The following ALDOC variants were observed in gnomAD, a reference collection of about 807,000 sequenced individuals.
The protein encoded by ALDOC is fructose-bisphosphate aldolase C.
ALDOC carries 23 observed loss-of-function variants against 39.5 expected under a neutral mutation model. The observed-to-expected ratio is 0.58, with a 90% confidence interval of 0.42 to 0.82. ALDOC has a LOEUF of 0.82. Among genes scored for constraint, ALDOC ranks in the 40% least tolerant of loss-of-function variants. ALDOC has a pLI of 0.00. For synonymous variants in ALDOC, 160 were observed against 182.6 expected (o/e 0.88, Z 1.00); for missense variants, 356 against 479.1 (o/e 0.74, Z 2.40).
At position 28,574,080 on chromosome 17, in the gene ALDOC, G is replaced by A. The variant is rs1182442847; in HGVS notation, c.786C>T (p.Pro262=). ...ATVTALRRTV[P]PAVPGVTFLS... Reference sequence around the variant, plus strand: ...GCTGGGTAGTACCTGGGACAGCTGGGGGCACAGTGCGACGCAGGGCAGTGA... The same window carrying A: ...GCTGGGTAGTACCTGGGACAGCTGGAGGCACAGTGCGACGCAGGGCAGTGA... Residue 262 remains proline, a synonymous_variant, in exon 7 of 9, where the codon CCC becomes CCT. Coordinates refer to ENST00000226253, the MANE Select transcript of ALDOC (RefSeq NM_005165.3). The A allele has an allele frequency of 1.3e-6, 2 of 1,597,240 alleles. No individual in the cohort carries two copies. The highest frequency in any genetic ancestry group is 2.2e-5 in the East Asian group (1 of 44,786).
rs2151516921 is a variant in ALDOC at position 28,574,874 on chromosome 17, A to G, written c.380-18T>C. The G allele has an allele frequency of 1.2e-6, 2 of 1,614,134 alleles. No homozygotes were observed. The highest frequency in any genetic ancestry group is 1.7e-5 in the Admixed American group (1 of 60,028). ...ATCCAGCCCTGCAAGCACAGTGCCA[A>G]CCTCATTACTCTGCCCCTCTTTTAC... On this transcript the variant is annotated intron_variant, in intron 4 of 8. Coordinates refer to ENST00000226253, the MANE Select transcript of ALDOC (RefSeq NM_005165.3).
In ALDOC at chr17:28,573,948, G is replaced by A; in HGVS notation, c.800-14C>T. The A allele has an allele frequency of 6.2e-7, 1 of 1,614,048 alleles. No homozygotes were observed. Among genetic ancestry groups the A allele is most frequent in the Non-Finnish European group, 8.5e-7 (1 of 1,179,962 alleles). ...GGAAGGTCACTCCTAGTGTGGAGGA[G>A]AGAAGACAAACTGACTGGTCACTCC... On this transcript the variant is annotated splice_polypyrimidine_tract_variant and intron_variant, in intron 7 of 8. Transcript: ENST00000226253. The surrounding 1 kb of genome is among the most constrained non-coding windows in gnomAD (Gnocchi z 4.3).
Position 28,573,740 on chromosome 17 carries a change from C to A in ALDOC, c.994G>T (p.Ala332Ser). 1.2e-6 allele frequency: 2 copies of A among 1,614,200 alleles called. No individual in the cohort carries two copies. Among genetic ancestry groups the A allele is most frequent in the Non-Finnish European group, 1.7e-6 (2 of 1,180,040 alleles). ...CACCACCTGTAGCTCCCAACCTCAG[C>A]CCGCTTGATGAACTCCTCAGTGGCA... Reference protein sequence around the residue: ...GAATEEFIKRAEVNGLAAQGK... With the variant: ...GAATEEFIKRSEVNGLAAQGK... Residue 332 changes from alanine to serine, a missense_variant, in exon 8 of 9, where the codon GCT becomes TCT. By Grantham distance (99) the Ala-to-Ser change is moderately conservative. Coordinates refer to ENST00000226253, the MANE Select transcript of ALDOC (RefSeq NM_005165.3). The surrounding 1 kb of genome is among the most constrained non-coding windows in gnomAD (Gnocchi z 4.3).
At position 28,573,307 on chromosome 17, in the gene ALDOC, T is replaced by C. The variant is rs1330357973; in HGVS notation, c.*219A>G. The C allele has an allele frequency of 1.7e-5, 10 of 593,086 alleles. No homozygotes were observed. Among genetic ancestry groups the C allele is most frequent in the Middle Eastern group, 4.5e-4 (1 of 2,236 alleles). 36.7% of individuals were successfully genotyped at this position (593,086 alleles called of 1,614,324 possible). ...GACCCAGCCATCCTGTTCTGACTTC[T>C]AGCAATTTCTTCTGCCCTCAGTCAT... On this transcript the variant is annotated 3_prime_UTR_variant, in exon 9 of 9. Transcript: ENST00000226253. This position sits in a 1 kb window ranked among gnomAD's most constrained non-coding sequence, Gnocchi z 4.3.
intron 6 of ALDOC, 126 bp downstream of exon 6, chr17:28,574,368 G>C (rs1179865666): frequency 6.9e-7 from 1 of 1,440,114 alleles, no homozygotes; most frequent in African/African-American, 1.4e-5. Flanking sequence ...TCACAGGCCT[G>C]TGCCGGGATG....
chr17:28,574,762 T>TGTAC lies in ALDOC; in HGVS notation c.470_473dup (p.Pro159TyrfsTer33), dbSNP rs1412324279. ...TCTCCAGAATGGCAAGTGCAGAGGG[T>TGTAC]GTACGCTCACTGATTTTCAGCACAC... On this transcript the variant is annotated frameshift_variant, in exon 5 of 9. Transcript: ENST00000226253. LOFTEE classifies it high-confidence loss of function. 6.2e-7 allele frequency: 1 copy of TGTAC among 1,614,074 alleles called. No homozygotes were observed. The highest frequency in any genetic ancestry group is 1.7e-5 in the Admixed American group (1 of 60,016).
intron 4 of ALDOC, 48 bp from the exon 5 acceptor site, chr17:28,574,904 A>G: frequency 6.2e-7 from 1 of 1,614,182 alleles, no homozygotes; most frequent in African/African-American, 1.3e-5. Context: ...TTTTACCAGC[A>G]TCAACTATCT....
chr17:28,573,546 T>C lies in ALDOC; in HGVS notation c.1075A>G (p.Ile359Val), dbSNP rs572172987. 9.3e-6 allele frequency: 15 copies of C among 1,614,156 alleles called. No homozygotes were observed. Among genetic ancestry groups the C allele is most frequent in the Non-Finnish European group, 1.2e-5 (14 of 1,179,998 alleles). Residue 359 changes from isoleucine (I) to valine (V), a missense_variant, in exon 9 of 9, where the codon ATT (isoleucine) becomes GTT (valine). Coordinates refer to ENST00000226253, the MANE Select transcript of ALDOC (RefSeq NM_005165.3). The surrounding 1 kb of genome is among the most constrained non-coding windows in gnomAD (Gnocchi z 4.3). Reference sequence around the variant, plus strand: ...GATACTCAGTAGGCATGGTTGGCAATGTAGAGTGACTGTGCTGCTGCTCCA... The same window carrying C: ...GATACTCAGTAGGCATGGTTGGCAACGTAGAGTGACTGTGCTGCTGCTCCA... ...DGGAAAQSLY[I>V]ANHAY
At position 28,573,398 on chromosome 17, in the gene ALDOC, A is replaced by T; in HGVS notation, c.*128T>A. ...GCAATGAGAGAGGGGAAGGGAAGAG[A>T]GAAAGGAAGACAAGTTGGTGCCAGG... On this transcript the variant is annotated 3_prime_UTR_variant, in exon 9 of 9. Coordinates refer to ENST00000226253, the MANE Select transcript of ALDOC (RefSeq NM_005165.3). This position sits in a 1 kb window ranked among gnomAD's most constrained non-coding sequence, Gnocchi z 4.3. 1 of 820,922 alleles carries T rather than the reference A, an allele frequency of 1.2e-6. No homozygotes were observed. Among genetic ancestry groups the T allele is most frequent in the East Asian group, 2.4e-5 (1 of 40,852 alleles). 50.9% of individuals were successfully genotyped at this position (820,922 alleles called of 1,614,324 possible).
intron 6 of ALDOC, 42 bp from the exon 7 acceptor site, chr17:28,574,283 C>T (rs768900131): frequency 4.5e-6 from 7 of 1,557,700 alleles, no homozygotes; most frequent in Non-Finnish European, 6.1e-6. Context: ...GTCTGGGCCC[C>T]CACTGGTTAC....
At chr17:28,576,046 G>A (rs1439784136) in intron 1 of ALDOC, 3 of 993,494 alleles carry the variant, frequency 3.0e-6, no homozygotes, top group Admixed American at 5.3e-5. Context: ...GGAAGAACAG[G>A]TAGGGAGTAG....
At position 28,574,685 on chromosome 17, in the gene ALDOC, AAC is replaced by A. The variant is rs2070465747; in HGVS notation, c.540+9_540+10del. 6.2e-7 allele frequency: 1 copy of A among 1,614,068 alleles called. No homozygotes were observed. Among genetic ancestry groups the A allele is most frequent in the South Asian group, 1.1e-5 (1 of 91,082 alleles). On this transcript the variant is annotated intron_variant, in intron 5 of 8. Coordinates refer to ENST00000226253, the MANE Select transcript of ALDOC (RefSeq NM_005165.3). The stretch of plus-strand genomic sequence containing the variant: ...AGGGCACCTAGCTCACCACCCTCCC[AAC>A]ACACACACCTGCTGGCAGATACTGG...
intron 7 of ALDOC, 47 bp downstream of exon 7, chr17:28,574,020 G>A (rs920915069): frequency 6.2e-7 from 1 of 1,602,406 alleles, no homozygotes. Flanking sequence ...AGAAGGACCT[G>A]AAGATGGGCC....
rs1286791849 is a variant in ALDOC, at chr17:28,575,173, C to A, written c.274G>T (p.Val92Phe). The A allele has an allele frequency of 5.0e-6, 8 of 1,614,068 alleles. No individual in the cohort carries two copies. Among genetic ancestry groups the A allele is most frequent in the Middle Eastern group, 1.6e-4 (1 of 6,084 alleles). The change falls in exon 3 of 9, where the codon GTT becomes TTT. Residue 92 changes from valine (V) to phenylalanine (F), a missense_variant. By Grantham distance (50) the Val-to-Phe change is conservative (BLOSUM62 -1). Coordinates refer to ENST00000226253, the MANE Select transcript of ALDOC (RefSeq NM_005165.3). The surrounding 1 kb of genome is among the most constrained non-coding windows in gnomAD (Gnocchi z 4.3). ...TCCTGGATGGTTCGGACGAAGGGAA[C>A]ACCATTATCATCTTTCTGGTAGAGG... ...ETLYQKDDNGVPFVRTIQDKG... is the reference protein window; with the variant it reads ...ETLYQKDDNGFPFVRTIQDKG...
At position 28,575,137 on chromosome 17, in the gene ALDOC, C is replaced by A. The variant is rs745471225; in HGVS notation, c.310G>T (p.Val104Phe). Residue 104 changes from valine (V) to phenylalanine (F), a missense_variant, in exon 3 of 9, where the codon GTC (valine) becomes TTC (phenylalanine). Coordinates refer to ENST00000226253, the MANE Select transcript of ALDOC (RefSeq NM_005165.3). This position sits in a 1 kb window ranked among gnomAD's most constrained non-coding sequence, Gnocchi z 4.3. ...FVRTIQDKGI[V>F]VGIKVDKGVV... is the part of the protein sequence containing the mutation. ...AGGGGCTGCACCTTGATGCCCACGA[C>A]GATGCCCTTATCCTGGATGGTTCGG... 3 of 1,614,178 alleles carry A rather than the reference C, an allele frequency of 1.9e-6. No homozygotes were observed. Among genetic ancestry groups the A allele is most frequent in the Non-Finnish European group, 2.5e-6 (3 of 1,180,038 alleles).
Position 28,573,712 on chromosome 17 carries a change from C to G in ALDOC, c.999+23G>C. On this transcript the variant is annotated intron_variant, in intron 8 of 8. Transcript: ENST00000226253. This position sits in a 1 kb window ranked among gnomAD's most constrained non-coding sequence, Gnocchi z 4.3. Reference sequence around the variant, plus strand: ...ATAGCCTCTGGGTGCTGCCCCCACCCACCACCACCTGTAGCTCCCAACCTC... The same window carrying G: ...ATAGCCTCTGGGTGCTGCCCCCACCGACCACCACCTGTAGCTCCCAACCTC... 2 of 1,613,998 alleles carry G rather than the reference C, an allele frequency of 1.2e-6. No homozygotes were observed. The highest frequency in any genetic ancestry group is 1.7e-6 in the Non-Finnish European group (2 of 1,179,986).
At position 28,575,972 on chromosome 17, in the gene ALDOC, G is replaced by T. The variant is rs576565978; in HGVS notation, c.-12-428C>A. ...TAGGGAAAGTGTACTTACTTCCAAG[G>T]CTTCAGAATGAGGCAAAAGTACTTA... On this transcript the variant is annotated intron_variant, in intron 1 of 8. Coordinates refer to ENST00000226253, the MANE Select transcript of ALDOC (RefSeq NM_005165.3). This position sits in a 1 kb window ranked among gnomAD's most constrained non-coding sequence, Gnocchi z 4.3. The T allele has an allele frequency of 4.7e-5, 48 of 1,011,890 alleles. No individual in the cohort carries two copies. The East Asian group carries it at 3.8e-3, about 80-fold the overall frequency. The allele number at this position is 1,011,890 out of a possible 1,614,324, so 62.7% of individuals were successfully genotyped here.
chr17:28,575,871 G>T lies in ALDOC; in HGVS notation c.-12-327C>A. The T allele has an allele frequency of 2.7e-6, 2 of 740,106 alleles. No individual in the cohort carries two copies. The highest frequency in any genetic ancestry group is 3.6e-6 in the Non-Finnish European group (2 of 558,536). The allele number at this position is 740,106 out of a possible 1,614,324, so 45.8% of individuals were successfully genotyped here. On this transcript the variant is annotated intron_variant, in intron 1 of 8. Coordinates refer to ENST00000226253, the MANE Select transcript of ALDOC (RefSeq NM_005165.3). The surrounding 1 kb of genome is among the most constrained non-coding windows in gnomAD (Gnocchi z 4.3). ...CAAGGATGCCAACCCTTCTTTCACT[G>T]AACTTGGTCCCTTGTTGAGGTAGGC... is the stretch of plus-strand genomic sequence containing the variant.
chr17:28,574,811 C>T lies in ALDOC; in HGVS notation c.425G>A (p.Gly142Asp). 1 of 1,614,208 alleles carries T rather than the reference C, an allele frequency of 6.2e-7. No homozygotes were observed. The highest frequency in any genetic ancestry group is 8.5e-7 in the Non-Finnish European group (1 of 1,180,032). Residue 142 changes from glycine to aspartate, a missense_variant, in exon 5 of 9, where the codon GGT (glycine) becomes GAT (aspartate). Coordinates refer to ENST00000226253, the MANE Select transcript of ALDOC (RefSeq NM_005165.3). ...ACAGCGCCACTTGGCAAAGTCAGCA[C>T]CATCCTTCTTGTATTGGGCACAGCG... ...SERCAQYKKDGADFAKWRCVL... is the reference protein window; with the variant it reads ...SERCAQYKKDDADFAKWRCVL...
Sources: gnomAD v4.1 joint callset for allele counts on GRCh38, gnomAD v4.1.1 for gene constraint, Gnocchi (gnomAD v3.1) non-coding constraint, MANE v1.5 for transcripts, NCBI Gene and HGNC (gene_info 2026-07-23, HGNC 2026-07-21) for gene names.